OCM: variants seen among roughly 807,000 people sequenced by gnomAD.
The protein encoded by OCM is oncomodulin, also known as oncomodulin-1.
In OCM, 18 loss-of-function variants were observed where a neutral mutation model predicts 14.1. The ratio of observed to expected loss-of-function variants is 1.28; its 90% CI spans 0.88 to 1.89. The LOEUF is 1.89. Among genes scored for constraint, OCM ranks in the 40% most tolerant of loss-of-function variants. OCM has a pLI of 0.00. For missense variants in OCM, 140 were observed against 137.6 expected, an observed-to-expected ratio of 1.02 and a Z score of -0.09; for synonymous variants, 48 against 51.0, an observed-to-expected ratio of 0.94 and a Z score of 0.25.
At chr7:5,860,563 A>C in the OCM span, among the ~76,000 whole-genome samples, 22 of 92,736 alleles carry the variant, frequency 2.4e-4, 5 homozygotes, top group African/African-American at 8.0e-4. Flanking sequence ...GTGTATATAT[A>C]CGTGTGTATA....
intron 3 of OCM, 112 bp downstream of exon 3, chr7:5,884,111 A>G: frequency 9.1e-7 from 1 of 1,103,302 alleles, no homozygotes. Context: ...TCTTAAACTT[A>G]CCGAGCCTCA....
chr7:5,885,751 C>T (rs1781320899), intron 3 of OCM, among the ~76,000 whole-genome samples: 1 of 151,974 alleles, frequency 6.6e-6, no homozygotes, highest in African/African-American at 2.4e-5. Context: ...GCTGGGACTA[C>T]AGGCACGTGC....
At chr7:5,862,980 A>G in the OCM span, among the ~76,000 whole-genome samples, 1 of 150,614 alleles carries the variant, frequency 6.6e-6, no homozygotes, top group African/African-American at 2.4e-5. Context: ...CCCTCTTTTC[A>G]TACGTTTATC....
At chr7:5,866,101 A>G in the OCM span, among the ~76,000 whole-genome samples, 4,525 of 151,720 alleles carry the variant, frequency 0.03, 107 homozygotes, top group Non-Finnish European at 0.044. Context: ...GAGGAGGATT[A>G]CTTGAGGCTA....
At chr7:5,861,030 C>G in the OCM span, among the ~76,000 whole-genome samples, 3 of 151,946 alleles carry the variant, frequency 2.0e-5, no homozygotes, top group South Asian at 2.1e-4. Flanking sequence ...GGAGGTGGCT[C>G]GCTAATGCTG....
At chr7:5,881,789 G>A (rs2128606665) in intron 1 of OCM, among the ~76,000 whole-genome samples, 1 of 151,996 alleles carries the variant, frequency 6.6e-6, no homozygotes, top group South Asian at 2.1e-4. Flanking sequence ...AAACATGAAA[G>A]CAAGACATCA....
the OCM span, among the ~76,000 whole-genome samples, chr7:5,861,948 G>A: frequency 1.3e-5 from 2 of 152,084 alleles, no homozygotes; most frequent in Admixed American, 1.3e-4. Flanking sequence ...GAGTACAGTG[G>A]CTGTTCACAG....
At chr7:5,864,212 GCCTGTGGTCCCAGCTC>G in the OCM span, among the ~76,000 whole-genome samples, 12 of 151,774 alleles carry the variant, frequency 7.9e-5, no homozygotes, top group East Asian at 2.3e-3. Flanking sequence ...GGTGGTGCAT[GCCTGTGGTCCCAGCTC>G]CTGGTTGGGG....
the OCM span, among the ~76,000 whole-genome samples, chr7:5,860,501 T>A: frequency 8.3e-6 from 1 of 119,978 alleles, no homozygotes; most frequent in Non-Finnish European, 1.8e-5. Context: ...ATATATATAT[T>A]ACGTATATAT....
upstream of OCM, among the ~76,000 whole-genome samples, chr7:5,877,057 C>T (rs1490881466): frequency 2.0e-5 from 3 of 152,056 alleles, no homozygotes; most frequent in East Asian, 1.9e-4. Context: ...CTGCCTGCCT[C>T]GGCCTCCCAA....
chr7:5,860,365 C>CATATATAT, the OCM span, among the ~76,000 whole-genome samples: 6 of 137,282 alleles, frequency 4.4e-5, no homozygotes, highest in African/African-American at 1.6e-4. Flanking sequence ...TATATATATG[C>CATATATAT]ATATATATAT....
upstream of OCM, among the ~76,000 whole-genome samples, chr7:5,876,456 A>G (rs1781097549): frequency 1.3e-5 from 2 of 152,076 alleles, no homozygotes; most frequent in South Asian, 4.1e-4. Context: ...CAATCTTCAG[A>G]AACTTCTTTA....
the OCM span, among the ~76,000 whole-genome samples, chr7:5,871,149 C>G: frequency 6.7e-6 from 1 of 150,066 alleles, no homozygotes; most frequent in Non-Finnish European, 1.5e-5. Flanking sequence ...GCATTTGAGA[C>G]CAGCCTGGGC....
the OCM span, among the ~76,000 whole-genome samples, chr7:5,869,230 G>C: frequency 6.6e-6 from 1 of 152,156 alleles, no homozygotes; most frequent in African/African-American, 2.4e-5. Context: ...ACGAGGGGGT[G>C]CCAGGCCCTC....
At position 5,886,232 on chromosome 7, in the gene OCM, T is replaced by C; in HGVS notation, c.*143T>C. On this transcript the variant is annotated 3_prime_UTR_variant, in exon 4 of 4. Coordinates refer to ENST00000242104, the MANE Select transcript of OCM (RefSeq NM_001097622.2). Reference sequence around the variant, plus strand: ...ACCTTCTGCAGTTTGCTCATTGTTTTAGTGAGGTCACGAGGGAGTCACTCC... The same window carrying C: ...ACCTTCTGCAGTTTGCTCATTGTTTCAGTGAGGTCACGAGGGAGTCACTCC... 3 of 1,227,456 alleles carry C rather than the reference T, an allele frequency of 2.4e-6. No individual in the cohort carries two copies. Among genetic ancestry groups the C allele is most frequent in the Non-Finnish European group, 2.3e-6 (2 of 861,876 alleles). 76.0% of individuals were successfully genotyped at this position (1,227,456 alleles called of 1,614,324 possible).
chr7:5,877,435 T>C (rs900241887), upstream of OCM, among the ~76,000 whole-genome samples: 2 of 151,756 alleles, frequency 1.3e-5, no homozygotes, highest in Non-Finnish European at 2.9e-5. Context: ...ACTACCACAT[T>C]CCAGCCCGAA....
chr7:5,885,705 G>C (rs1781320015), intron 3 of OCM, among the ~76,000 whole-genome samples: 1 of 150,950 alleles, frequency 6.6e-6, no homozygotes, highest in Non-Finnish European at 1.5e-5. Flanking sequence ...CCGCCTCCCA[G>C]GTTCAAGTGA....
chr7:5,861,708 G>C, the OCM span, among the ~76,000 whole-genome samples: 1 of 151,994 alleles, frequency 6.6e-6, no homozygotes, highest in African/African-American at 2.4e-5. Context: ...AATGTGTATT[G>C]GCATCTCATT....
At chr7:5,874,510 T>C in the OCM span, among the ~76,000 whole-genome samples, 1 of 152,036 alleles carries the variant, frequency 6.6e-6, no homozygotes, top group Non-Finnish European at 1.5e-5. Context: ...AATTTTCTTT[T>C]TTTTTCTTTG....
Sources: allele counts gnomAD v4.1 joint callset (sites outside exome capture counted in the v4.1 genomes callset), GRCh38; gene constraint gnomAD v4.1.1; transcripts MANE v1.5; gene names NCBI Gene and HGNC (gene_info 2026-07-23, HGNC 2026-07-21).